The following ZFHX3 variants were observed in gnomAD, a reference collection of about 807,000 sequenced individuals.
ZFHX3 encodes zinc finger homeobox protein 3.
In ZFHX3, 42 loss-of-function variants were observed where a neutral mutation model predicts 279.1. That is an observed-to-expected ratio of 0.15 (90% CI 0.12 to 0.19). ZFHX3 has a LOEUF of 0.19. ZFHX3 is among the 10% of genes least tolerant of loss of function. ZFHX3 has a pLI of 1.00. For synonymous variants in ZFHX3, 2,293 were observed against 1,957.8 expected (o/e 1.17, Z -4.52); for missense variants, 4,981 against 4,754.0 (o/e 1.05, Z -1.40).
At chr16:73,058,883 G>T in exon 1 of ZFHX3, 1 of 161,740 alleles carries the variant, frequency 6.2e-6, no homozygotes, top group Non-Finnish European at 1.3e-5. Flanking sequence ...CGGCGGCGGC[G>T]GCAGCGGCTC....
At chr16:73,656,808 C>A (rs1248107247) in intron 2 of ZFHX3, among the ~76,000 whole-genome samples, 1 of 152,166 alleles carries the variant, frequency 6.6e-6, no homozygotes, top group African/African-American at 2.4e-5. Context: ...GTTCTGATTA[C>A]CCTTTTCTCA....
At chr16:72,970,494 G>A (rs78171254) in intron 1 of ZFHX3, among the ~76,000 whole-genome samples, 2,038 of 152,186 alleles carry the variant, frequency 0.013, 52 homozygotes, top group African/African-American at 0.047. Context: ...TGGTGCTCCT[G>A]ACTTGGATTT....
At chr16:73,203,734 G>A (rs2011686921) in intron 5 of ZFHX3, among the ~76,000 whole-genome samples, 1 of 152,180 alleles carries the variant, frequency 6.6e-6, no homozygotes, top group Non-Finnish European at 1.5e-5. Context: ...CACTTACTGA[G>A]CACTTACTGC....
chr16:73,334,812 T>TTA (rs1945375826), intron 3 of ZFHX3, among the ~76,000 whole-genome samples: 1 of 112,204 alleles, frequency 8.9e-6, no homozygotes, highest in Non-Finnish European at 1.8e-5. Context: ...TTCTCATTCT[T>TTA]TTTTTTTTTT....
At chr16:72,954,198 T>C (rs1961134511) in intron 2 of ZFHX3, among the ~76,000 whole-genome samples, 1 of 152,142 alleles carries the variant, frequency 6.6e-6, no homozygotes, top group Non-Finnish European at 1.5e-5. Flanking sequence ...GGTGAAATCC[T>C]GTCTCTACTG....
chr16:73,697,264 C>A, intron 1 of ZFHX3, among the ~76,000 whole-genome samples: 1 of 149,852 alleles, frequency 6.7e-6, no homozygotes, highest in Non-Finnish European at 1.5e-5. Flanking sequence ...AAGTAGAGAT[C>A]ATGTGAGTGT....
chr16:73,366,488 T>C (rs1313421384), intron 3 of ZFHX3, among the ~76,000 whole-genome samples: 1 of 151,780 alleles, frequency 6.6e-6, no homozygotes, highest in Admixed American at 6.6e-5. Context: ...TCCCAGTAGT[T>C]TGGGAGGCTG....
intron 1 of ZFHX3, among the ~76,000 whole-genome samples, chr16:72,989,751 GC>G (rs1336580740): frequency 6.6e-6 from 1 of 152,218 alleles, no homozygotes; most frequent in Non-Finnish European, 1.5e-5. Flanking sequence ...AGGAAGAATT[GC>G]CAAAAGCTGA....
At chr16:73,204,588 C>A (rs1241663577) in intron 5 of ZFHX3, among the ~76,000 whole-genome samples, 1 of 152,174 alleles carries the variant, frequency 6.6e-6, no homozygotes, top group Non-Finnish European at 1.5e-5. Context: ...TGCTTGCTCA[C>A]CTGCCACTCA....
intron 4 of ZFHX3, among the ~76,000 whole-genome samples, chr16:72,854,938 T>A (rs11463933): frequency 2.7e-5 from 2 of 73,888 alleles, no homozygotes; most frequent in East Asian, 4.9e-4. Context: ...AATTGGTGGG[T>A]GGGGGGGGGG....
intron 2 of ZFHX3, among the ~76,000 whole-genome samples, chr16:73,571,820 C>A (rs982487820): frequency 4.6e-5 from 7 of 152,052 alleles, no homozygotes; most frequent in South Asian, 2.1e-4. Flanking sequence ...AGGGGTGTCT[C>A]AAATTGAGTG....
At chr16:73,735,996 C>A (rs2053607033) in intron 1 of ZFHX3, among the ~76,000 whole-genome samples, 1 of 151,820 alleles carries the variant, frequency 6.6e-6, no homozygotes, top group Non-Finnish European at 1.5e-5. Flanking sequence ...TCTCCTAGCT[C>A]CCCCAGGGTA....
At chr16:73,873,840 C>A (rs1042204586) in intron 1 of ZFHX3, among the ~76,000 whole-genome samples, 3 of 152,030 alleles carry the variant, frequency 2.0e-5, no homozygotes, top group Non-Finnish European at 4.4e-5. Context: ...CGGCAAACAT[C>A]CCCACCTGAT....
At chr16:73,090,568 G>C (rs940950376) in intron 8 of ZFHX3, among the ~76,000 whole-genome samples, 2 of 151,950 alleles carry the variant, frequency 1.3e-5, no homozygotes, top group Non-Finnish European at 2.9e-5. Flanking sequence ...GCAAGAAAGG[G>C]AGGGAAAGCG....
At chr16:72,803,072 C>A (rs544373329) in intron 7 of ZFHX3, among the ~76,000 whole-genome samples, 1 of 152,266 alleles carries the variant, frequency 6.6e-6, no homozygotes, top group East Asian at 1.9e-4. Flanking sequence ...TGGCTCAAGC[C>A]TGTAATCCCA....
At chr16:73,106,571 A>G (rs1195372839) in intron 7 of ZFHX3, among the ~76,000 whole-genome samples, 3 of 152,128 alleles carry the variant, frequency 2.0e-5, no homozygotes, top group African/African-American at 4.8e-5. Context: ...CCCAGCTCAT[A>G]TGACATTTGC....
intron 4 of ZFHX3, chr16:73,293,899 C>G (rs2014835643): frequency 7.1e-6 from 1 of 141,472 alleles, no homozygotes. Context: ...TTCCATTGTA[C>G]ATTTGTTTCA....
At chr16:73,272,321 G>A (rs1230248259) in intron 4 of ZFHX3, among the ~76,000 whole-genome samples, 1 of 151,956 alleles carries the variant, frequency 6.6e-6, no homozygotes, top group Non-Finnish European at 1.5e-5. Context: ...TTTTTTTCTG[G>A]TAAAATGTTA....
At chr16:72,953,591 C>T (rs1446169361) in intron 2 of ZFHX3, among the ~76,000 whole-genome samples, 1 of 151,810 alleles carries the variant, frequency 6.6e-6, no homozygotes, top group African/African-American at 2.4e-5. Flanking sequence ...TCCCAGTTTC[C>T]ACTTTAAGCT....
Sources: gnomAD v4.1 joint callset for allele counts (sites outside exome capture counted in the v4.1 genomes callset) on GRCh38, gnomAD v4.1.1 for gene constraint, MANE v1.5 for transcripts, NCBI Gene and HGNC (gene_info 2026-07-23, HGNC 2026-07-21) for gene names.